The following ZDHHC21 variants were observed in gnomAD, a reference collection of about 807,000 sequenced individuals.
The protein encoded by ZDHHC21 is palmitoyltransferase ZDHHC21.
ZDHHC21 carries 15 observed loss-of-function variants against 34.6 expected under a neutral mutation model. That is an observed-to-expected ratio of 0.43 (90% CI 0.29 to 0.67). The LOEUF is 0.67. ZDHHC21 is among the 30% of genes least tolerant of loss of function. ZDHHC21 has a pLI of 0.14. For synonymous variants in ZDHHC21, 142 were observed against 101.8 expected (o/e 1.40, Z -2.38); for missense variants, 344 against 327.7 (o/e 1.05, Z -0.38).
intron 7 of ZDHHC21, among the ~76,000 whole-genome samples, chr9:14,649,604 C>T (rs1445191813): frequency 3.3e-5 from 5 of 152,042 alleles, no homozygotes; most frequent in Non-Finnish European, 7.4e-5. Flanking sequence ...CTTATTACAT[C>T]CTAATGGCAA....
At chr9:14,684,330 A>G (rs1837926212) in intron 2 of ZDHHC21, among the ~76,000 whole-genome samples, 1 of 151,790 alleles carries the variant, frequency 6.6e-6, no homozygotes, top group Non-Finnish European at 1.5e-5. Context: ...AATCTCCTTA[A>G]GCTGATAAGC....
At chr9:14,644,351 C>A (rs1233155677) in intron 7 of ZDHHC21, among the ~76,000 whole-genome samples, 1 of 152,054 alleles carries the variant, frequency 6.6e-6, no homozygotes, top group African/African-American at 2.4e-5. Flanking sequence ...TGTACCTTTT[C>A]TTTCTTTCTC....
intron 8 of ZDHHC21, among the ~76,000 whole-genome samples, chr9:14,620,612 A>G (rs1825139444): frequency 6.6e-6 from 1 of 152,018 alleles, no homozygotes; most frequent in Admixed American, 6.6e-5. Context: ...TACAGGTAAA[A>G]TCCCAAGAAC....
At chr9:14,667,310 A>G (rs954383475) in intron 5 of ZDHHC21, among the ~76,000 whole-genome samples, 1 of 149,788 alleles carries the variant, frequency 6.7e-6, no homozygotes, top group Non-Finnish European at 1.5e-5. Flanking sequence ...GAAGAAGTTG[A>G]ATCTCTGAAT....
chr9:14,693,429 G>A lies in ZDHHC21; in HGVS notation c.-425C>T, dbSNP rs980962886. The A allele has an allele frequency of 1.2e-4, 33 of 277,150 alleles. No homozygotes were observed. Among genetic ancestry groups the A allele is most frequent in the Admixed American group, 1.0e-3 (17 of 16,292 alleles). The allele number at this position is 277,150 out of a possible 1,614,324, so 17.2% of individuals were successfully genotyped here. ...CCCGCGCGCCCGCGTGGGGAGGGACGACTGCCGCCGTCGCCGTCTCGCTTA... is the reference window on the plus strand; with the variant it reads ...CCCGCGCGCCCGCGTGGGGAGGGACAACTGCCGCCGTCGCCGTCTCGCTTA... On this transcript the variant is annotated 5_prime_UTR_variant, in exon 1 of 10. Transcript: ENST00000380916.
intron 2 of ZDHHC21, among the ~76,000 whole-genome samples, chr9:14,688,093 T>C (rs1838617781): frequency 6.8e-6 from 1 of 147,272 alleles, no homozygotes; most frequent in Non-Finnish European, 1.5e-5. Context: ...ATCACATAGA[T>C]ATTCAGTTGA....
intron 7 of ZDHHC21, among the ~76,000 whole-genome samples, chr9:14,649,712 G>A (rs1830885326): frequency 6.6e-6 from 1 of 152,016 alleles, no homozygotes; most frequent in African/African-American, 2.4e-5. Flanking sequence ...TCATATGTAT[G>A]CAATTGTCTT....
intron 2 of ZDHHC21, among the ~76,000 whole-genome samples, chr9:14,688,880 C>T (rs951302469): frequency 4.6e-5 from 7 of 151,548 alleles, no homozygotes; most frequent in Admixed American, 3.9e-4. Context: ...CAACAAAAAA[C>T]GAACAAACAG....
At chr9:14,645,984 G>C (rs1487962076) in intron 7 of ZDHHC21, among the ~76,000 whole-genome samples, 2 of 152,044 alleles carry the variant, frequency 1.3e-5, no homozygotes, top group African/African-American at 4.8e-5. Context: ...AACTATTTTG[G>C]AAAACTGTTT....
At chr9:14,679,973 A>G (rs1006742103) in intron 3 of ZDHHC21, 60 bp downstream of exon 3, 4 of 152,594 alleles carry the variant, frequency 2.6e-5, no homozygotes, top group African/African-American at 7.2e-5. Context: ...TAAGACTCCA[A>G]GGATACTATG....
chr9:14,613,696 G>A lies in ZDHHC21; in HGVS notation c.*5270C>T, dbSNP rs985547274. The A allele has an allele frequency of 6.6e-6, 1 of 151,742 alleles. No individual in the cohort carries two copies. The highest frequency in any genetic ancestry group is 2.4e-5 in the African/African-American group (1 of 41,398). 9.4% of individuals were successfully genotyped at this position (151,742 alleles called of 1,614,324 possible). Reference sequence around the variant, plus strand: ...GAAATGGAGACCTTCGAGGTATCAAGAACTCCAAAATATCCCAAATGTTAA... The same window carrying A: ...GAAATGGAGACCTTCGAGGTATCAAAAACTCCAAAATATCCCAAATGTTAA... On this transcript the variant is annotated 3_prime_UTR_variant, in exon 10 of 10. Transcript: ENST00000380916.
At chr9:14,595,487 C>A in the ZDHHC21 span, among the ~76,000 whole-genome samples, 1,054 of 152,244 alleles carry the variant, frequency 6.9e-3, 5 homozygotes, top group Non-Finnish European at 0.011. Flanking sequence ...TTAGTGGTTG[C>A]CAGAGTCCAA....
intron 8 of ZDHHC21, among the ~76,000 whole-genome samples, chr9:14,620,668 T>G (rs1401435828): frequency 6.6e-6 from 1 of 151,996 alleles, no homozygotes; most frequent in African/African-American, 2.4e-5. Flanking sequence ...AAACAGCACC[T>G]TCACTCAAAA....
In ZDHHC21 at chr9:14,613,975, G is replaced by A. The variant is rs953880169; in HGVS notation, c.*4991C>T. 14 of 151,726 alleles carry A rather than the reference G, an allele frequency of 9.2e-5. No individual in the cohort carries two copies. Among genetic ancestry groups the A allele is most frequent in the African/African-American group, 3.1e-4 (13 of 41,386 alleles). The allele number at this position is 151,726 out of a possible 1,614,324, so 9.4% of individuals were successfully genotyped here. On this transcript the variant is annotated 3_prime_UTR_variant, in exon 10 of 10. Transcript: ENST00000380916. The stretch of plus-strand genomic sequence containing the variant: ...TATAAAAGGCATCTGACCAACTGAA[G>A]AGAAACCGCAATATAAATTCTTTAA...
chr9:14,640,585 C>G (rs1378396386), intron 7 of ZDHHC21, among the ~76,000 whole-genome samples: 3 of 152,092 alleles, frequency 2.0e-5, no homozygotes, highest in African/African-American at 7.2e-5. Context: ...ACCCAACCAC[C>G]ATTGCCAAGC....
At chr9:14,643,565 T>A (rs1353032068) in intron 7 of ZDHHC21, among the ~76,000 whole-genome samples, 1 of 152,200 alleles carries the variant, frequency 6.6e-6, no homozygotes, top group Non-Finnish European at 1.5e-5. Context: ...GCTTTTTATA[T>A]CCTATTTAAG....
chr9:14,634,048 G>C (rs182463163), intron 8 of ZDHHC21, among the ~76,000 whole-genome samples: 114 of 152,276 alleles, frequency 7.5e-4, no homozygotes, highest in African/African-American at 2.6e-3. Context: ...CCAAACTCCA[G>C]TACCCAAGCA....
chr9:14,627,460 G>A (rs981418833), intron 8 of ZDHHC21, among the ~76,000 whole-genome samples: 2 of 152,078 alleles, frequency 1.3e-5, no homozygotes, highest in Admixed American at 6.6e-5. Flanking sequence ...AATAGCACCT[G>A]TGAAACCAAA....
At chr9:14,626,375 T>A (rs1826205491) in intron 8 of ZDHHC21, among the ~76,000 whole-genome samples, 2 of 151,988 alleles carry the variant, frequency 1.3e-5, no homozygotes, top group Non-Finnish European at 2.9e-5. Context: ...AAATTGTTAG[T>A]AAAAGGAAAA....
Sources: allele counts gnomAD v4.1 joint callset (sites outside exome capture counted in the v4.1 genomes callset), GRCh38; gene constraint gnomAD v4.1.1; transcripts MANE v1.5; gene names NCBI Gene and HGNC (gene_info 2026-07-23, HGNC 2026-07-21).